The following LETM2 variants were observed in gnomAD, a reference collection of about 807,000 sequenced individuals.
LETM2 encodes leucine zipper and EF-hand containing transmembrane protein 2, also known as LETM1 domain-containing protein LETM2, mitochondrial.
Under a neutral mutation model 59.6 loss-of-function variants are expected in LETM2, and 58 were observed. The ratio of observed to expected loss-of-function variants is 0.97; its 90% CI spans 0.79 to 1.21. The LOEUF is 1.21. LETM2 is among the 50% of genes most tolerant of loss of function. The pLI, the probability that LETM2 is intolerant of heterozygous loss-of-function variation, is 0.00. For synonymous variants in LETM2, 199 were observed against 214.1 expected, an observed-to-expected ratio of 0.93 and a Z score of 0.62; for missense variants, 572 against 575.7, an observed-to-expected ratio of 0.99 and a Z score of 0.07.
In LETM2 at chr8:38,394,094, A is replaced by G; in HGVS notation, c.502-4A>G. 2.1e-6 allele frequency: 3 copies of G among 1,457,246 alleles called. No homozygotes were observed. Among genetic ancestry groups the G allele is most frequent in the East Asian group, 5.1e-5 (2 of 39,080 alleles). 90.3% of individuals were successfully genotyped at this position (1,457,246 alleles called of 1,614,324 possible). Reference sequence around the variant, plus strand: ...GAATATTGCATATGCATTTAATTCTATAGCTGTTGAGAACTTGTGTTGATT... The same window carrying G: ...GAATATTGCATATGCATTTAATTCTGTAGCTGTTGAGAACTTGTGTTGATT... On this transcript the variant is annotated splice_polypyrimidine_tract_variant and splice_region_variant and intron_variant, in intron 3 of 10. Coordinates refer to ENST00000379957, the MANE Select transcript of LETM2 (RefSeq NM_001286819.2).
chr8:38,392,456 T>C, intron 2 of LETM2, 86 bp from the exon 3 acceptor site: 1 of 853,116 alleles, frequency 1.2e-6, no homozygotes, highest in South Asian at 1.6e-5. Context: ...ATGTACTATC[T>C]ATTTCTTTAA....
rs1002930735 is a variant in LETM2, at chr8:38,393,108, A to T, written c.501+113A>T. ...ATCTTAAAAATCCCAGAGTAGGAAT[A>T]ATAACTGCTGGTGAGAACCAGTTTC... On this transcript the variant is annotated intron_variant, in intron 3 of 10. Coordinates refer to ENST00000379957, the MANE Select transcript of LETM2 (RefSeq NM_001286819.2). 7 of 909,066 alleles carry T rather than the reference A, an allele frequency of 7.7e-6. No homozygotes were observed. In the Admixed American group the frequency reaches 1.7e-4, roughly 22 times the overall value. The allele number at this position is 909,066 out of a possible 1,614,324, so 56.3% of individuals were successfully genotyped here.
rs1003206692 is a variant in LETM2 at position 38,394,232 on chromosome 8, A to T, written c.636A>T (p.Glu212Asp). 6 of 1,473,824 alleles carry T rather than the reference A, an allele frequency of 4.1e-6. No individual in the cohort carries two copies. The African/African-American group carries it at 8.5e-5, about 21-fold the overall frequency. The allele number at this position is 1,473,824 out of a possible 1,614,324, so 91.3% of individuals were successfully genotyped here. Reference sequence around the variant, plus strand: ...TGTTGCCATCAACTTTTGAAAGTGAATCCAAAAAGGTATGATTTTTTAACT... The same window carrying T: ...TGTTGCCATCAACTTTTGAAAGTGATTCCAAAAAGGTATGATTTTTTAACT... Reference protein sequence around the residue: ...PEMLPSTFESESKKEEKQKKK... With the variant: ...PEMLPSTFESDSKKEEKQKKK... The change falls in exon 4 of 11, where the codon GAA (glutamate) becomes GAT (aspartate). Residue 212 changes from glutamate to aspartate, a missense_variant. By Grantham distance (45) the Glu-to-Asp change is conservative. Transcript: ENST00000379957.
chr8:38,396,453 T>C (rs1812704226), intron 4 of LETM2, among the ~76,000 whole-genome samples: 1 of 152,180 alleles, frequency 6.6e-6, no homozygotes, highest in South Asian at 2.1e-4. Context: ...CGTGAGCCAC[T>C]GCGCCAGGCC....
intron 2 of LETM2, among the ~76,000 whole-genome samples, 199 bp from the exon 3 acceptor site, chr8:38,392,343 T>A (rs994170947): frequency 2.6e-5 from 4 of 152,110 alleles, no homozygotes; most frequent in Non-Finnish European, 5.9e-5. Flanking sequence ...GAGAATCGCT[T>A]GAGCCCAGAT....
rs979789647 is a variant in LETM2, at chr8:38,398,470, T to C, written c.646-1802T>C. On this transcript the variant is annotated intron_variant, in intron 4 of 10. Coordinates refer to ENST00000379957, the MANE Select transcript of LETM2 (RefSeq NM_001286819.2). ...AGAGGAGCTTTCTGTTTACATCAGA[T>C]CACAGCACCATGTATTTCTCTTTCA... Among the ~76,000 whole-genome samples the C allele has an allele frequency of 5.9e-5, 9 of 152,180 alleles. 1 individual carries two copies. Among genetic ancestry groups the C allele is most frequent in the Admixed American group, 5.2e-4 (8 of 15,276 alleles).
chr8:38,400,565 A>C, intron 5 of LETM2, 156 bp downstream of exon 5: 1 of 750,756 alleles, frequency 1.3e-6, no homozygotes, highest in Non-Finnish European at 2.0e-6. Flanking sequence ...TATTATAAAC[A>C]TTGATAGTAG....
At chr8:38,390,330 G>GA (rs1326575623) in intron 2 of LETM2, among the ~76,000 whole-genome samples, 1 of 151,168 alleles carries the variant, frequency 6.6e-6, no homozygotes, top group Non-Finnish European at 1.5e-5. Flanking sequence ...AACAGAAAGA[G>GA]AAAAAAAAGA....
chr8:38,409,048 T>TAGTC lies in LETM2; in HGVS notation c.*776_*779dup, dbSNP rs1813977486. 1 of 152,368 alleles carries TAGTC rather than the reference T, an allele frequency of 6.6e-6. No individual in the cohort carries two copies. Among genetic ancestry groups the TAGTC allele is most frequent in the Non-Finnish European group, 1.5e-5 (1 of 68,048 alleles). The allele number at this position is 152,368 out of a possible 1,614,324, so 9.4% of individuals were successfully genotyped here. ...GTTTGTCTTTCACAAATAAGACTAT[T>TAGTC]AGTCATAGGGATTGTGAAAGTCTGA... is the stretch of plus-strand genomic sequence containing the variant. On this transcript the variant is annotated 3_prime_UTR_variant, in exon 11 of 11. Transcript: ENST00000379957.
chr8:38,408,107 G>C, intron 10 of LETM2, 105 bp from the exon 11 acceptor site: 1 of 763,164 alleles, frequency 1.3e-6, no homozygotes, highest in South Asian at 1.7e-5. Context: ...TCTCAGATTT[G>C]ACTTTGTGGT....
At position 38,392,559 on chromosome 8, in the gene LETM2, T is replaced by G; in HGVS notation, c.65T>G (p.Val22Gly). Residue 22 changes from valine (V) to glycine (G), a missense_variant, in exon 3 of 11, where the codon GTC becomes GGC. Physicochemically the swap from Val to Gly is moderately radical, Grantham distance 109. Transcript: ENST00000379957. ...IARTRFPSHFVHPTCSSYSPS... is the reference protein window; with the variant it reads ...IARTRFPSHFGHPTCSSYSPS... ...TATTCCAGATTCCCTAGCCATTTTG[T>G]CCATCCTACCTGCTCTTCTTATTCC... The G allele has an allele frequency of 6.2e-7, 1 of 1,609,224 alleles. No individual in the cohort carries two copies. Among genetic ancestry groups the G allele is most frequent in the African/African-American group, 1.3e-5 (1 of 74,994 alleles).
chr8:38,384,104 A>G (rs1332552371), upstream of LETM2, among the ~76,000 whole-genome samples: 1 of 152,110 alleles, frequency 6.6e-6, no homozygotes, highest in African/African-American at 2.4e-5. Flanking sequence ...TTCTATCTCC[A>G]GGAAAGAGGG....
intron 1 of LETM2, 80 bp from the exon 2 acceptor site, chr8:38,387,870 T>G: frequency 1.5e-6 from 1 of 658,840 alleles, no homozygotes. Flanking sequence ...TTTGCAATAG[T>G]TAAAAACACT....
chr8:38,402,489 C>A, intron 6 of LETM2, 36 bp from the exon 7 acceptor site: 1 of 1,605,636 alleles, frequency 6.2e-7, no homozygotes, highest in Non-Finnish European at 8.5e-7. Context: ...AAATTGGAAT[C>A]AAAAGTTCCA....
chr8:38,407,265 A>G (rs1173687624), intron 9 of LETM2, 97 bp from the exon 10 acceptor site: 5 of 972,418 alleles, frequency 5.1e-6, no homozygotes, highest in Non-Finnish European at 8.2e-6. Flanking sequence ...GATATGAGGT[A>G]GTTGTGACAA....
intron 8 of LETM2, among the ~76,000 whole-genome samples, chr8:38,405,537 A>G (rs1273783375): frequency 6.6e-6 from 1 of 152,236 alleles, no homozygotes; most frequent in Non-Finnish European, 1.5e-5. Flanking sequence ...TTGAAGTCCA[A>G]TATGAAAACC....
Position 38,402,509 on chromosome 8 carries a change from C to T in LETM2, c.985-16C>T, listed in dbSNP as rs1384299525. 1.2e-6 allele frequency: 2 copies of T among 1,613,368 alleles called. No homozygotes were observed. Among genetic ancestry groups the T allele is most frequent in the South Asian group, 1.1e-5 (1 of 91,038 alleles). On this transcript the variant is annotated splice_polypyrimidine_tract_variant and intron_variant, in intron 6 of 10. Transcript: ENST00000379957. ...GGAATCAAAAGTTCCAACTCCATCCCTTACATTTCTTTCAGATAATTGCCA... is the reference window on the plus strand; with the variant it reads ...GGAATCAAAAGTTCCAACTCCATCCTTTACATTTCTTTCAGATAATTGCCA...
intron 4 of LETM2, among the ~76,000 whole-genome samples, chr8:38,395,876 A>AAT (rs1812645383): frequency 6.6e-6 from 1 of 152,030 alleles, no homozygotes; most frequent in Non-Finnish European, 1.5e-5. Flanking sequence ...AGTTCTTTGT[A>AAT]TATTTTGGGT....
intron 4 of LETM2, among the ~76,000 whole-genome samples, chr8:38,394,845 CAAAA>C (rs34403974): frequency 7.1e-5 from 6 of 84,500 alleles, no homozygotes; most frequent in Non-Finnish European, 7.0e-5. Context: ...GACCCTGTCT[CAAAA>C]AAAAAAAAAA....
Sources: allele counts gnomAD v4.1 joint callset (sites outside exome capture counted in the v4.1 genomes callset), GRCh38; gene constraint gnomAD v4.1.1; transcripts MANE v1.5; gene names NCBI Gene and HGNC (gene_info 2026-07-23, HGNC 2026-07-21).